CYFIP1: variants seen among roughly 807,000 people sequenced by gnomAD.
CYFIP1 encodes the protein cytoplasmic FMR1 interacting protein 1, also known as cytoplasmic FMR1-interacting protein 1.
CYFIP1 carries 58 observed loss-of-function variants against 163.5 expected under a neutral mutation model. That is an observed-to-expected ratio of 0.35 (90% CI 0.29 to 0.44). The LOEUF is 0.44. Among genes scored for constraint, CYFIP1 ranks in the 20% least tolerant of loss-of-function variants. The probability of loss-of-function intolerance (pLI) is 1.00; values close to 1 mark genes in which losing one functional copy is unlikely to be tolerated. For synonymous variants in CYFIP1, 663 were observed against 660.7 expected (o/e 1.00, Z -0.05); for missense variants, 1,338 against 1,653.8 (o/e 0.81, Z 3.31).
intron 23 of CYFIP1, among the ~76,000 whole-genome samples, chr15:22,889,851 C>T (rs995128841): frequency 2.6e-5 from 4 of 152,212 alleles, no homozygotes; most frequent in East Asian, 1.9e-4. Flanking sequence ...ATTATTCTCA[C>T]TCGCCAAACT....
At position 22,873,516 on chromosome 15, in the gene CYFIP1, C is replaced by T. The variant is rs1356685173; in HGVS notation, c.3424G>A (p.Val1142Met). The change falls in exon 29 of 31, where the codon GTG (valine) becomes ATG (methionine). Residue 1142 changes from valine (V) to methionine (M), a missense_variant. Physicochemically the swap from Val to Met is conservative, Grantham distance 21 (BLOSUM62 1). Coordinates refer to ENST00000617928, the MANE Select transcript of CYFIP1 (RefSeq NM_014608.6). Reference sequence around the variant, plus strand: ...TCGACTGTGAACTCGTGTGTCCCCACGGGAATGCAGTAGACAAACTGCATG... The same window carrying T: ...TCGACTGTGAACTCGTGTGTCCCCATGGGAATGCAGTAGACAAACTGCATG... ...SAMQFVYCIP[V>M]GTHEFTVEQC... 1.2e-6 allele frequency: 2 copies of T among 1,613,906 alleles called. No homozygotes were observed.
chr15:22,977,966 A>G (rs2063333137), intron 1 of CYFIP1, among the ~76,000 whole-genome samples: 1 of 152,196 alleles, frequency 6.6e-6, no homozygotes, highest in Non-Finnish European at 1.5e-5. Context: ...TACAGACACA[A>G]GCATTGACTG....
At chr15:22,953,913 A>T (rs563430495) in intron 1 of CYFIP1, among the ~76,000 whole-genome samples, 6 of 152,138 alleles carry the variant, frequency 3.9e-5, no homozygotes, top group Non-Finnish European at 8.8e-5. Flanking sequence ...AAAATTAGCC[A>T]GGCGTGGTGG....
At chr15:22,958,681 T>C (rs930895664) in intron 1 of CYFIP1, among the ~76,000 whole-genome samples, 1 of 152,048 alleles carries the variant, frequency 6.6e-6, no homozygotes, top group Non-Finnish European at 1.5e-5. Flanking sequence ...CAGGCTTCCC[T>C]CTGATCCCCC....
At chr15:22,980,839 G>A (rs750006684), upstream of CYFIP1, among the ~76,000 whole-genome samples, 1 of 151,806 alleles carries the variant, frequency 6.6e-6, no homozygotes, top group African/African-American at 2.4e-5. Context: ...CCAGCTGCAG[G>A]TCGGCGCGCA....
Position 22,912,160 on chromosome 15 carries a change from G to A in CYFIP1, c.2082+19C>T. On this transcript the variant is annotated intron_variant, in intron 18 of 30. Transcript: ENST00000617928. ...TTAATTGAAGGAAATGAACAGAAAT[G>A]GAGCTGCAGGGGCCTCACCTCGGCC... The A allele has an allele frequency of 1.3e-6, 2 of 1,588,712 alleles. No individual in the cohort carries two copies. The highest frequency in any genetic ancestry group is 8.6e-7 in the Non-Finnish European group (1 of 1,161,864).
chr15:22,949,067 C>T (rs1398784520), intron 1 of CYFIP1, among the ~76,000 whole-genome samples: 6 of 152,164 alleles, frequency 3.9e-5, no homozygotes, highest in Non-Finnish European at 7.3e-5. Flanking sequence ...ATTCAAGAAG[C>T]TCTATGGATC....
At chr15:22,979,391 C>G (rs1190196880) in intron 1 of CYFIP1, among the ~76,000 whole-genome samples, 3 of 152,108 alleles carry the variant, frequency 2.0e-5, no homozygotes, top group Non-Finnish European at 2.9e-5. Context: ...TTCCGGAGTC[C>G]GACGGACGAC....
chr15:22,965,275 G>A (rs1396612891), intron 1 of CYFIP1, among the ~76,000 whole-genome samples: 4 of 152,088 alleles, frequency 2.6e-5, no homozygotes, highest in South Asian at 2.1e-4. Context: ...CCCAGCCAAC[G>A]TGGTGAAACC....
chr15:22,954,591 G>A (rs961295258), intron 1 of CYFIP1, among the ~76,000 whole-genome samples: 16 of 152,232 alleles, frequency 1.1e-4, no homozygotes, highest in East Asian at 3.9e-4. Flanking sequence ...GCGGCGAACC[G>A]ACCCAAAAAT....
At chr15:22,878,207 G>C (rs1258080155) in intron 26 of CYFIP1, among the ~76,000 whole-genome samples, 2 of 152,190 alleles carry the variant, frequency 1.3e-5, no homozygotes, top group Admixed American at 1.3e-4. Context: ...CCCCAAACAG[G>C]GCAGAGCAGA....
At chr15:22,944,526 T>G in intron 5 of CYFIP1, 32 bp downstream of exon 5, 1 of 1,475,382 alleles carries the variant, frequency 6.8e-7, no homozygotes, top group Non-Finnish European at 9.4e-7. Flanking sequence ...CCCCTCGGTG[T>G]TACACCCCCC....
Position 22,968,495 on chromosome 15 carries a change from C to G in CYFIP1, c.-7+11792G>C, listed in dbSNP as rs947408891. Among the ~76,000 whole-genome samples, 10 of 152,300 alleles carry G rather than the reference C, an allele frequency of 6.6e-5. No individual in the cohort carries two copies. In the East Asian group the frequency reaches 1.9e-3, roughly 29 times the overall value. On this transcript the variant is annotated intron_variant, in intron 1 of 30. Coordinates refer to ENST00000617928, the MANE Select transcript of CYFIP1 (RefSeq NM_014608.6). ...AGCCTATGGGCCTGCCTTGCAAACG[C>G]TGGACTTGCCAGCCTCTACAATTGT... is the stretch of plus-strand genomic sequence containing the variant.
rs2059368284 is a variant in CYFIP1 at position 22,869,721 on chromosome 15, G to A, written c.*307C>T. On this transcript the variant is annotated 3_prime_UTR_variant, in exon 31 of 31. Coordinates refer to ENST00000617928, the MANE Select transcript of CYFIP1 (RefSeq NM_014608.6). Reference sequence around the variant, plus strand: ...CATTTGCTGGTATTAAGTTTCTTATGGAATGAATGAATGAACCCAGCAGCA... The same window carrying A: ...CATTTGCTGGTATTAAGTTTCTTATAGAATGAATGAATGAACCCAGCAGCA... 4.4e-6 allele frequency: 1 copy of A among 227,918 alleles called. No homozygotes were observed. Among genetic ancestry groups the A allele is most frequent in the Non-Finnish European group, 8.4e-6 (1 of 118,912 alleles). 14.1% of individuals were successfully genotyped at this position (227,918 alleles called of 1,614,324 possible).
At position 22,944,858 on chromosome 15, in the gene CYFIP1, G is replaced by A. The variant is rs761877165; in HGVS notation, c.285+4C>T. 1.2e-6 allele frequency: 2 copies of A among 1,613,498 alleles called. No homozygotes were observed. Among genetic ancestry groups the A allele is most frequent in the Non-Finnish European group, 1.7e-6 (2 of 1,179,760 alleles). ...GGAGGGGAAGAGCCAGGCGAGCGTG[G>A]CACCTGTGGGATGGCCCGGGAGCAG... On this transcript the variant is annotated splice_donor_region_variant and intron_variant, in intron 4 of 30. Coordinates refer to ENST00000617928, the MANE Select transcript of CYFIP1 (RefSeq NM_014608.6).
intron 1 of CYFIP1, among the ~76,000 whole-genome samples, chr15:22,964,274 C>CCCCA (rs1222523643): frequency 1.0e-5 from 1 of 97,154 alleles, no homozygotes; most frequent in Non-Finnish European, 2.0e-5. Flanking sequence ...CTCCTCCTCA[C>CCCCA]CACACACACA....
chr15:22,879,898 T>G lies in CYFIP1; in HGVS notation c.3042+15A>C, dbSNP rs3751568. ...GGGCTGGGGCGGGGAGGGGCGGCGT[T>G]GGGGGGCCACTCACCAGGCTCTGCT... On this transcript the variant is annotated intron_variant, in intron 26 of 30. Coordinates refer to ENST00000617928, the MANE Select transcript of CYFIP1 (RefSeq NM_014608.6). 0.059 allele frequency: 95,312 copies of G among 1,603,430 alleles called. 7,297 individuals are homozygous for G. Among genetic ancestry groups the G allele is most frequent in the East Asian group, 0.35 (15,402 of 44,528 alleles).
At chr15:22,951,849 T>C (rs1264588613) in intron 1 of CYFIP1, among the ~76,000 whole-genome samples, 1 of 152,124 alleles carries the variant, frequency 6.6e-6, no homozygotes, top group Non-Finnish European at 1.5e-5. Context: ...GCGTCAGCTG[T>C]GATCCACAGC....
rs35358046 is a variant in CYFIP1, at chr15:22,868,364, A to ATAAT, written c.*1660_*1663dup. 2 of 151,970 alleles carry ATAAT rather than the reference A, an allele frequency of 1.3e-5. No homozygotes were observed. The highest frequency in any genetic ancestry group is 2.9e-5 in the Non-Finnish European group (2 of 68,024). The allele number at this position is 151,970 out of a possible 1,614,324, so 9.4% of individuals were successfully genotyped here. On this transcript the variant is annotated 3_prime_UTR_variant, in exon 31 of 31. Coordinates refer to ENST00000617928, the MANE Select transcript of CYFIP1 (RefSeq NM_014608.6). ...CATTTGAACATGCATAGGTTAATAA[A>ATAAT]TAATAAATTCTTATTTAACATTTTG... is the stretch of plus-strand genomic sequence containing the variant.
Sources: gnomAD v4.1 joint callset for allele counts (sites outside exome capture counted in the v4.1 genomes callset) on GRCh38, gnomAD v4.1.1 for gene constraint, MANE v1.5 for transcripts, NCBI Gene and HGNC (gene_info 2026-07-23, HGNC 2026-07-21) for gene names.